The following EPS15L1 variants were observed in gnomAD, a reference collection of about 807,000 sequenced individuals.
EPS15L1 encodes epidermal growth factor receptor pathway substrate 15 like 1.
EPS15L1 carries 43 observed loss-of-function variants against 117.1 expected under a neutral mutation model. That is an observed-to-expected ratio of 0.37 (90% CI 0.29 to 0.47). The LOEUF is 0.47. EPS15L1 is among the 20% of genes least tolerant of loss of function. EPS15L1 has a pLI of 0.99. For missense variants in EPS15L1, 981 were observed against 1,164.0 expected (o/e 0.84, Z 2.29); for synonymous variants, 459 against 470.5 (o/e 0.98, Z 0.32).
chr19:16,386,179 T>C lies in EPS15L1; in HGVS notation c.2156A>G (p.Lys719Arg), dbSNP rs1281663671. 1 of 1,611,642 alleles carries C rather than the reference T, an allele frequency of 6.2e-7. No homozygotes were observed. Among genetic ancestry groups the C allele is most frequent in the Admixed American group, 1.7e-5 (1 of 60,010 alleles). Residue 719 changes from lysine (K) to arginine (R), a missense_variant, in exon 20 of 24, where the codon AAA (lysine) becomes AGA (arginine). By Grantham distance (26) the Lys-to-Arg change is conservative. This residue lies in a region of EPS15L1 where 819 missense variants were observed against 949.0 expected (regional missense o/e 0.86). Transcript: ENST00000455140. ...TAAGTCATGGGTCTCACCTGATCCT[T>C]TTGAGGAGACACTGGAGGATGAAAA... The part of the protein sequence containing the change: ...DPFSSSSVSS[K>R]GSDPFGTLDP...
intron 1 of EPS15L1, among the ~76,000 whole-genome samples, chr19:16,444,889 C>T (rs949797006): frequency 6.6e-6 from 1 of 152,018 alleles, no homozygotes; most frequent in East Asian, 1.9e-4. Context: ...ACCATGCCCA[C>T]TTAATTTCTG....
chr19:16,462,949 T>C (rs559148505), intron 1 of EPS15L1, among the ~76,000 whole-genome samples: 1 of 152,336 alleles, frequency 6.6e-6, no homozygotes, highest in South Asian at 2.1e-4. Context: ...CCCACCGCTG[T>C]GGGTGCCACC....
chr19:16,419,502 G>T (rs1320204376), intron 10 of EPS15L1, among the ~76,000 whole-genome samples: 1 of 151,902 alleles, frequency 6.6e-6, no homozygotes, highest in African/African-American at 2.4e-5. Flanking sequence ...GAAGGGAAGG[G>T]ACCCTTGTGG....
chr19:16,417,913 G>A lies in EPS15L1; in HGVS notation c.1107+35C>T, dbSNP rs759513718. ...CTGGTGGCAGGCGGTGGGAAGGGAT[G>A]TCAATACCCCCAGGGCATGACCAGC... On this transcript the variant is annotated intron_variant, in intron 11 of 23. Transcript: ENST00000455140. 52 of 1,590,182 alleles carry A rather than the reference G, an allele frequency of 3.3e-5. No homozygotes were observed. The East Asian group carries it at 1.1e-3, about 34-fold the overall frequency.
At chr19:16,385,274 G>T in intron 20 of EPS15L1, 63 bp from the exon 21 acceptor site, 1 of 1,375,858 alleles carries the variant, frequency 7.3e-7, no homozygotes, top group Non-Finnish European at 1.0e-6. Context: ...TTCTGGGGTG[G>T]AGGGGAAATG....
chr19:16,420,478 C>T (rs1407484753), intron 10 of EPS15L1, among the ~76,000 whole-genome samples: 5 of 152,168 alleles, frequency 3.3e-5, no homozygotes, highest in South Asian at 2.1e-4. Flanking sequence ...CAGTTGGAGG[C>T]GGCTTGGCCA....
chr19:16,457,266 A>G (rs2093206755), intron 1 of EPS15L1, among the ~76,000 whole-genome samples: 3 of 152,200 alleles, frequency 2.0e-5, no homozygotes, highest in Non-Finnish European at 4.4e-5. Context: ...ACAACGGGAC[A>G]TTCCCCACCC....
At chr19:16,421,037 T>A (rs773189274) in intron 10 of EPS15L1, among the ~76,000 whole-genome samples, 1 of 152,208 alleles carries the variant, frequency 6.6e-6, no homozygotes, top group African/African-American at 2.4e-5. Context: ...CCAGCAAGAA[T>A]AGGGCCCAGC....
At chr19:16,467,624 T>C (rs1370820594) in intron 1 of EPS15L1, among the ~76,000 whole-genome samples, 2 of 152,150 alleles carry the variant, frequency 1.3e-5, no homozygotes, top group Admixed American at 1.3e-4. Flanking sequence ...ACTCTAAAAC[T>C]TCGTTCTCAT....
intron 16 of EPS15L1, chr19:16,401,177 T>G: frequency 1.0e-6 from 1 of 984,964 alleles, no homozygotes; most frequent in Non-Finnish European, 1.2e-6. Context: ...AAAGAGAGTA[T>G]GGGAGGAAAG....
chr19:16,389,117 C>T (rs1045263616), intron 19 of EPS15L1, among the ~76,000 whole-genome samples: 2 of 150,096 alleles, frequency 1.3e-5, no homozygotes, highest in East Asian at 2.0e-4. Flanking sequence ...AACCAGAAAT[C>T]GCTTGAACTT....
intron 21 of EPS15L1, among the ~76,000 whole-genome samples, chr19:16,384,543 T>C (rs1369134056): frequency 6.6e-6 from 1 of 152,188 alleles, no homozygotes; most frequent in Non-Finnish European, 1.5e-5. Flanking sequence ...CCTACAGCTG[T>C]CTGGGACCAG....
At chr19:16,468,320 A>G (rs541367812) in intron 1 of EPS15L1, among the ~76,000 whole-genome samples, 2 of 152,144 alleles carry the variant, frequency 1.3e-5, no homozygotes, top group Non-Finnish European at 2.9e-5. Flanking sequence ...GGTTAGGTGG[A>G]GTCGATTCAG....
intron 22 of EPS15L1, 47 bp downstream of exon 22, chr19:16,377,075 A>G: frequency 1.3e-6 from 2 of 1,555,196 alleles, no homozygotes; most frequent in South Asian, 1.2e-5. Context: ...GTCCCCCGCC[A>G]TCCGGCACCG....
intron 1 of EPS15L1, among the ~76,000 whole-genome samples, chr19:16,461,389 G>A (rs2093250009): frequency 6.6e-6 from 1 of 151,908 alleles, no homozygotes; most frequent in Non-Finnish European, 1.5e-5. Flanking sequence ...CGGAGGCCGA[G>A]GCAGGTGGAT....
intron 17 of EPS15L1, 52 bp downstream of exon 17, chr19:16,395,292 C>T (rs375957764): frequency 3.9e-5 from 61 of 1,557,262 alleles, no homozygotes; most frequent in Admixed American, 9.0e-5. Flanking sequence ...ACTCTAAATT[C>T]GACATAAAAC....
chr19:16,377,320 G>C, intron 21 of EPS15L1, 66 bp from the exon 22 acceptor site: 3 of 1,579,680 alleles, frequency 1.9e-6, no homozygotes, highest in Non-Finnish European at 1.7e-6. Context: ...GATGTCCACT[G>C]AACAGACGCT....
At position 16,377,265 on chromosome 19, in the gene EPS15L1, G is replaced by A. The variant is rs767100134; in HGVS notation, c.2248-11C>T. ...GCCAGAAGGTGGGGGCTGTAAGAGA[G>A]GACATGAAAGAGAGGCAAAAATAGT... On this transcript the variant is annotated splice_polypyrimidine_tract_variant and intron_variant, in intron 21 of 23. Coordinates refer to ENST00000455140, the MANE Select transcript of EPS15L1 (RefSeq NM_001258374.3). The A allele has an allele frequency of 8.1e-6, 13 of 1,608,580 alleles. No homozygotes were observed. Among genetic ancestry groups the A allele is most frequent in the Non-Finnish European group, 1.0e-5 (12 of 1,178,482 alleles).
chr19:16,439,543 T>C (rs1485209533), intron 4 of EPS15L1, among the ~76,000 whole-genome samples: 2 of 151,926 alleles, frequency 1.3e-5, no homozygotes, highest in Non-Finnish European at 2.9e-5. Context: ...ATAATAAAAA[T>C]TAGCCAGGTG....
Sources: gnomAD v4.1 joint callset for allele counts (sites outside exome capture counted in the v4.1 genomes callset) on GRCh38, gnomAD v4.1.1 for gene constraint, gnomAD v4.1.1 regional missense constraint, MANE v1.5 for transcripts, NCBI Gene and HGNC (gene_info 2026-07-23, HGNC 2026-07-21) for gene names.